Variants in SNTG1 observed in about 807,000 individuals in gnomAD.
SNTG1 encodes syntrophin gamma 1.
SNTG1 carries 39 observed loss-of-function variants against 74.7 expected under a neutral mutation model. The observed-to-expected ratio is 0.52, with a 90% CI of 0.40 to 0.68. The LOEUF (loss-of-function observed/expected upper bound fraction) is 0.68, where lower values mean the gene tolerates loss of function less well. SNTG1 is among the 30% of genes least tolerant of loss of function. SNTG1 has a pLI of 0.00. For synonymous variants in SNTG1, 254 were observed against 217.1 expected (o/e 1.17, Z -1.49); for missense variants, 685 against 609.5 (o/e 1.12, Z -1.30).
chr8:50,064,790 C>G (rs1415377104), intron 1 of SNTG1, among the ~76,000 whole-genome samples: 1 of 152,156 alleles, frequency 6.6e-6, no homozygotes, highest in Non-Finnish European at 1.5e-5. Context: ...CTGGTTGCAG[C>G]TCCCCTGCTA....
At chr8:50,113,758 A>G (rs1248216650) in intron 1 of SNTG1, among the ~76,000 whole-genome samples, 4 of 152,160 alleles carry the variant, frequency 2.6e-5, no homozygotes, top group Non-Finnish European at 4.4e-5. Context: ...GATATGTTCC[A>G]TCAATACCTA....
intron 1 of SNTG1, among the ~76,000 whole-genome samples, chr8:50,013,101 A>C (rs1464368481): frequency 6.6e-6 from 1 of 152,146 alleles, no homozygotes; most frequent in African/African-American, 2.4e-5. Flanking sequence ...CACATTTAAC[A>C]CAGGCCCAGG....
chr8:50,338,328 C>T (rs2091217854), intron 2 of SNTG1, among the ~76,000 whole-genome samples: 1 of 152,088 alleles, frequency 6.6e-6, no homozygotes, highest in African/African-American at 2.4e-5. Flanking sequence ...CACTAATGAT[C>T]TACTCACATC....
intron 2 of SNTG1, among the ~76,000 whole-genome samples, chr8:50,186,921 A>T (rs1779524565): frequency 6.6e-6 from 1 of 151,914 alleles, no homozygotes; most frequent in South Asian, 2.1e-4. Flanking sequence ...CTTTTGTTGC[A>T]ATTACTTTTG....
rs191792065 is a variant in SNTG1 at position 50,509,933 on chromosome 8, T to G, written c.466+7053T>G. On this transcript the variant is annotated intron_variant, in intron 9 of 18. Transcript: ENST00000642720. ...TTCCTTCTCCTGCCTGATTGTCCTG[T>G]GCAGAGCTTCCAACACTATGTTGAA... is the stretch of plus-strand genomic sequence containing the variant. Among the ~76,000 whole-genome samples, 3 of 152,244 alleles carry G rather than the reference T, an allele frequency of 2.0e-5. No individual in the cohort carries two copies. The East Asian group carries it at 5.8e-4, about 29-fold the overall frequency.
At chr8:50,266,953 C>G (rs1252638519) in intron 2 of SNTG1, among the ~76,000 whole-genome samples, 2 of 151,850 alleles carry the variant, frequency 1.3e-5, no homozygotes. Context: ...GATCACCACG[C>G]CCCAGAGAAG....
intron 8 of SNTG1, among the ~76,000 whole-genome samples, chr8:50,464,951 G>GAA (rs1563423832): frequency 3.4e-5 from 2 of 58,554 alleles, no homozygotes. Flanking sequence ...ACATGCTGTT[G>GAA]GAAAAAAAAA....
chr8:50,684,415 GT>G (rs1357339450), intron 15 of SNTG1, among the ~76,000 whole-genome samples: 1 of 152,006 alleles, frequency 6.6e-6, no homozygotes, highest in Non-Finnish European at 1.5e-5. Flanking sequence ...AATTAATTTT[GT>G]TTTGTGTGTC....
At chr8:50,209,351 C>G (rs1268850302) in intron 2 of SNTG1, among the ~76,000 whole-genome samples, 1 of 152,200 alleles carries the variant, frequency 6.6e-6, no homozygotes, top group African/African-American at 2.4e-5. Flanking sequence ...ACGTCTCTGT[C>G]TGACAGCTTT....
At chr8:50,556,683 T>TA (rs2094457376) in intron 12 of SNTG1, among the ~76,000 whole-genome samples, 1 of 152,174 alleles carries the variant, frequency 6.6e-6, no homozygotes, top group Non-Finnish European at 1.5e-5. Context: ...ATATTTGGCA[T>TA]AATATATAAG....
chr8:50,183,876 C>G (rs1396368480), intron 2 of SNTG1, among the ~76,000 whole-genome samples: 1 of 152,096 alleles, frequency 6.6e-6, no homozygotes, highest in African/African-American at 2.4e-5. Context: ...ATAACCTTGC[C>G]TTAACTTTAC....
At chr8:50,242,842 T>G (rs1456277430) in intron 2 of SNTG1, among the ~76,000 whole-genome samples, 1 of 151,316 alleles carries the variant, frequency 6.6e-6, no homozygotes, top group Non-Finnish European at 1.5e-5. Context: ...ATAGAAAATA[T>G]AAGCACATAT....
chr8:50,019,806 A>C (rs1253920946), intron 1 of SNTG1, among the ~76,000 whole-genome samples: 1 of 152,086 alleles, frequency 6.6e-6, no homozygotes, highest in East Asian at 1.9e-4. Context: ...GTGTTTGCAT[A>C]GCTGTTGTCT....
At chr8:50,577,458 T>TG (rs1340148140) in intron 12 of SNTG1, among the ~76,000 whole-genome samples, 1 of 151,550 alleles carries the variant, frequency 6.6e-6, no homozygotes, top group Non-Finnish European at 1.5e-5. Flanking sequence ...GTTTTTTTTT[T>TG]TTGTTTTTTT....
chr8:50,516,492 C>T (rs749302688), intron 9 of SNTG1, among the ~76,000 whole-genome samples: 4 of 152,082 alleles, frequency 2.6e-5, no homozygotes, highest in Non-Finnish European at 4.4e-5. Flanking sequence ...TAATAACAAA[C>T]TCCTCTGAGC....
At chr8:50,039,182 G>A (rs62515376) in intron 1 of SNTG1, among the ~76,000 whole-genome samples, 2,575 of 152,182 alleles carry the variant, frequency 0.017, 45 homozygotes, top group Non-Finnish European at 0.023. Flanking sequence ...TAGGCTGGGC[G>A]TGGTGGCTCA....
intron 2 of SNTG1, among the ~76,000 whole-genome samples, chr8:50,335,689 T>G (rs2957605): frequency 0.91 from 138,544 of 151,950 alleles, 64,542 homozygotes; most frequent in East Asian, 1. Flanking sequence ...GATTAGACTG[T>G]GTCCACTTGG....
intron 15 of SNTG1, among the ~76,000 whole-genome samples, chr8:50,687,694 T>C (rs1319443513): frequency 2.0e-5 from 3 of 152,180 alleles, no homozygotes; most frequent in Admixed American, 1.3e-4. Context: ...AAGCATTAGG[T>C]ATATCTTGTA....
At chr8:50,310,826 A>T (rs1001711232) in intron 2 of SNTG1, among the ~76,000 whole-genome samples, 5 of 152,238 alleles carry the variant, frequency 3.3e-5, no homozygotes, top group African/African-American at 9.6e-5. Flanking sequence ...TAAGATATAC[A>T]TACCAGTATA....
Sources: allele counts gnomAD v4.1 joint callset (sites outside exome capture counted in the v4.1 genomes callset), GRCh38; gene constraint gnomAD v4.1.1; transcripts MANE v1.5; gene names NCBI Gene and HGNC (gene_info 2026-07-23, HGNC 2026-07-21).